The following STYXL2 variants were observed in gnomAD, a reference collection of about 807,000 sequenced individuals.
The protein encoded by STYXL2 is serine/threonine/tyrosine-interacting-like protein 2.
In STYXL2, 44 loss-of-function variants were observed where a neutral mutation model predicts 52.4. The ratio of observed to expected loss-of-function variants is 0.84; its 90% CI spans 0.66 to 1.08. STYXL2 has a LOEUF of 1.08. STYXL2 is among the 50% of genes least tolerant of loss of function. STYXL2 has a pLI of 0.00. For missense variants in STYXL2, 1,604 were observed against 1,471.7 expected (o/e 1.09, Z -1.47); for synonymous variants, 604 against 586.9 (o/e 1.03, Z -0.42).
chr1:167,095,760 A>G lies in STYXL2; in HGVS notation c.110+801A>G, dbSNP rs572085384. On this transcript the variant is annotated intron_variant, in intron 2 of 5. Coordinates refer to ENST00000361200, the MANE Select transcript of STYXL2 (RefSeq NM_001080426.3). ...TGTCACCAAATTGGTGTGAAGAATA[A>G]CTGAAGTGATTGAGCCTTTAGTTGG... Among the ~76,000 whole-genome samples, 44 of 152,364 alleles carry G rather than the reference A, an allele frequency of 2.9e-4. No homozygotes were observed. In the South Asian group the frequency reaches 8.9e-3, roughly 31 times the overall value.
chr1:167,107,697 C>T (rs1667532450), intron 2 of STYXL2, among the ~76,000 whole-genome samples: 1 of 152,154 alleles, frequency 6.6e-6, no homozygotes, highest in African/African-American at 2.4e-5. Context: ...CAGACATTCT[C>T]CTAGGTGCTA....
At chr1:167,106,566 T>G (rs768282633) in intron 2 of STYXL2, among the ~76,000 whole-genome samples, 1 of 152,234 alleles carries the variant, frequency 6.6e-6, no homozygotes, top group Non-Finnish European at 1.5e-5. Flanking sequence ...GTATAAATAG[T>G]ATTAATTACT....
chr1:167,100,060 C>T (rs529612256), intron 2 of STYXL2, among the ~76,000 whole-genome samples: 2 of 152,344 alleles, frequency 1.3e-5, no homozygotes, highest in South Asian at 2.1e-4. Context: ...CAAGTGGCCA[C>T]ATTTGGCAAG....
In STYXL2 at chr1:167,127,158, C is replaced by T. The variant is rs76205550; in HGVS notation, c.2027C>T (p.Thr676Met). The T allele has an allele frequency of 2.3e-3, 3,720 of 1,614,114 alleles. 72 individuals carry two copies. The African/African-American group carries it at 0.044, about 19-fold the overall frequency. Residue 676 changes from threonine to methionine, a missense_variant, in exon 6 of 6, where the codon ACG becomes ATG. Coordinates refer to ENST00000361200, the MANE Select transcript of STYXL2 (RefSeq NM_001080426.3). The part of the protein sequence containing the change: ...DPSVSADGDT[T>M]SVLSTQSHRS... ...TCAGTCAGCGCTGATGGGGACACGACGTCAGTACTGAGCACCCAGAGCCAC... is the reference window on the plus strand; with the variant it reads ...TCAGTCAGCGCTGATGGGGACACGATGTCAGTACTGAGCACCCAGAGCCAC...
intron 2 of STYXL2, among the ~76,000 whole-genome samples, chr1:167,103,957 TAAAAATAGAAA>T (rs1482523298): frequency 6.6e-6 from 1 of 151,998 alleles, no homozygotes; most frequent in African/African-American, 2.4e-5. Context: ...CCGTCTCTAC[TAAAAATAGAAA>T]AATTAGCCTG....
At chr1:167,099,359 C>T (rs1445793995) in intron 2 of STYXL2, among the ~76,000 whole-genome samples, 4 of 152,106 alleles carry the variant, frequency 2.6e-5, no homozygotes, top group African/African-American at 9.7e-5. Flanking sequence ...ACCTAATGAG[C>T]ATTTATAGAA....
intron 5 of STYXL2, among the ~76,000 whole-genome samples, chr1:167,121,423 C>CGT (rs1667855426): frequency 6.6e-6 from 1 of 152,248 alleles, no homozygotes. Context: ...GGTCCTGGAG[C>CGT]GCACCGGCAG....
chr1:167,116,655 T>TTA lies in STYXL2; in HGVS notation c.206-672_206-671insAT, dbSNP rs1416868068. On this transcript the variant is annotated intron_variant, in intron 3 of 5. Transcript: ENST00000361200. Reference sequence around the variant, plus strand: ...ACTTCTACTTTTTTTTTTTTGGTTTTTTTTTTTTTTTTTGAGACAGAGTTT... The same window carrying TTA: ...ACTTCTACTTTTTTTTTTTTGGTTTTTATTTTTTTTTTTTTGAGACAGAGTTT... Among the ~76,000 whole-genome samples, 113 of 148,112 alleles carry TTA rather than the reference T, an allele frequency of 7.6e-4. 1 individual carries two copies. Among genetic ancestry groups the TTA allele is most frequent in the African/African-American group, 2.6e-3 (103 of 39,910 alleles).
chr1:167,121,133 G>A (rs1291268475), intron 5 of STYXL2, among the ~76,000 whole-genome samples: 3 of 150,854 alleles, frequency 2.0e-5, no homozygotes, highest in Non-Finnish European at 1.5e-5. Context: ...CTGCCTCAGC[G>A]TCCCGAGTAG....
At chr1:167,121,707 G>T (rs1571345464) in intron 5 of STYXL2, among the ~76,000 whole-genome samples, 1 of 152,332 alleles carries the variant, frequency 6.6e-6, no homozygotes, top group East Asian at 1.9e-4. Flanking sequence ...TACCCAAGGC[G>T]GGCTGGGTCA....
chr1:167,127,588 C>T lies in STYXL2; in HGVS notation c.2457C>T (p.Thr819=). The change falls in exon 6 of 6, where the codon ACC becomes ACT. Residue 819 remains threonine, a synonymous_variant. Coordinates refer to ENST00000361200, the MANE Select transcript of STYXL2 (RefSeq NM_001080426.3). ...GTTGCAGAAGCAAAGTGAGGGGGAC[C>T]AGCAAGCCCATCTTCAGCCTCTTTG... ...AESCRSKVRG[T]SKPIFSLFAD... 1 of 1,614,144 alleles carries T rather than the reference C, an allele frequency of 6.2e-7. No homozygotes were observed. The highest frequency in any genetic ancestry group is 1.7e-5 in the Admixed American group (1 of 60,008).
At chr1:167,100,047 G>A (rs1272406958) in intron 2 of STYXL2, among the ~76,000 whole-genome samples, 2 of 152,252 alleles carry the variant, frequency 1.3e-5, no homozygotes, top group Non-Finnish European at 2.9e-5. Flanking sequence ...GAAAGTCCGA[G>A]ATCAAGTGGC....
intron 2 of STYXL2, among the ~76,000 whole-genome samples, chr1:167,097,635 A>C (rs1667315220): frequency 6.6e-6 from 1 of 152,114 alleles, no homozygotes; most frequent in South Asian, 2.1e-4. Context: ...GAGAAAAGAA[A>C]GTAGAGAAAA....
chr1:167,123,705 C>T (rs968783816), intron 5 of STYXL2, among the ~76,000 whole-genome samples: 1 of 152,198 alleles, frequency 6.6e-6, no homozygotes, highest in Non-Finnish European at 1.5e-5. Context: ...CTCACTGTAG[C>T]CTTTGCCTCC....
chr1:167,111,695 C>G (rs919102079), intron 2 of STYXL2, among the ~76,000 whole-genome samples: 11 of 151,302 alleles, frequency 7.3e-5, no homozygotes, highest in Admixed American at 7.3e-4. Flanking sequence ...AGCTAAGGTA[C>G]GAGGAGGCAA....
rs1263258869 is a variant in STYXL2, at chr1:167,120,818, C to T, written c.655+1352C>T. 1.9e-4 allele frequency among the ~76,000 whole-genome samples: 16 copies of T among 82,078 alleles called. No individual in the cohort carries two copies. In the South Asian group the frequency reaches 2.7e-3, roughly 14 times the overall value. 53.8% of individuals were successfully genotyped at this position (82,078 alleles called of 152,430 possible). A position where few individuals can be genotyped will look rare whatever the true frequency, so the allele number is the denominator to read the frequency against. Reference sequence around the variant, plus strand: ...TTTTAAATATGTATATGTATGTGTGCGTGTAAATTACATATATATATATAT... The same window carrying T: ...TTTTAAATATGTATATGTATGTGTGTGTGTAAATTACATATATATATATAT... On this transcript the variant is annotated intron_variant, in intron 5 of 5. Coordinates refer to ENST00000361200, the MANE Select transcript of STYXL2 (RefSeq NM_001080426.3).
intron 2 of STYXL2, among the ~76,000 whole-genome samples, chr1:167,102,947 G>T (rs554079975): frequency 1.3e-3 from 143 of 106,108 alleles, no homozygotes; most frequent in African/African-American, 4.0e-3. Context: ...AAACTAGGCA[G>T]CTTAAAAACA....
chr1:167,107,924 G>A (rs1345527550), intron 2 of STYXL2, among the ~76,000 whole-genome samples: 1 of 152,202 alleles, frequency 6.6e-6, no homozygotes, highest in Non-Finnish European at 1.5e-5. Flanking sequence ...GAGGGAAGCA[G>A]GAGAGGACTA....
At chr1:167,113,586 C>T (rs2102235265) in intron 2 of STYXL2, 124 bp from the exon 3 acceptor site, 1 of 755,662 alleles carries the variant, frequency 1.3e-6, no homozygotes, top group Non-Finnish European at 2.3e-6. Context: ...CTTAGGAAGG[C>T]TTTGCCTTGA....
Sources: gnomAD v4.1 joint callset for allele counts (sites outside exome capture counted in the v4.1 genomes callset) on GRCh38, gnomAD v4.1.1 for gene constraint, MANE v1.5 for transcripts, NCBI Gene and HGNC (gene_info 2026-07-23, HGNC 2026-07-21) for gene names.